Variants in GRIP2 observed in about 807,000 individuals in gnomAD.
The protein encoded by GRIP2 is glutamate receptor interacting protein 2.
In GRIP2, 58 loss-of-function variants were observed where a neutral mutation model predicts 108.3. That is an observed-to-expected ratio of 0.54 (90% confidence interval 0.43 to 0.67). The LOEUF (loss-of-function observed/expected upper bound fraction) is 0.67, where lower values mean the gene tolerates loss of function less well. GRIP2 is among the 30% of genes least tolerant of loss of function. The pLI is 0.00. For missense variants in GRIP2, 1,278 were observed against 1,430.6 expected (o/e 0.89, Z 1.72); for synonymous variants, 586 against 598.2 (o/e 0.98, Z 0.30).
At chr3:14,499,280 A>G (rs1693701483) in intron 21 of GRIP2, among the ~76,000 whole-genome samples, 1 of 152,202 alleles carries the variant, frequency 6.6e-6, no homozygotes, top group Admixed American at 6.5e-5. Context: ...TGCATCGACA[A>G]CGCAGAGCGC....
At chr3:14,578,889 C>T in the GRIP2 span, among the ~76,000 whole-genome samples, 46 of 150,620 alleles carry the variant, frequency 3.1e-4, 1 homozygote, top group East Asian at 8.9e-3. Context: ...AATTTCCTCT[C>T]CAATAAAGTG....
intron 22 of GRIP2, among the ~76,000 whole-genome samples, chr3:14,495,373 CCTCCTCCATAT>C (rs369808514): frequency 3.5e-4 from 54 of 152,216 alleles, no homozygotes; most frequent in African/African-American, 1.2e-3. Flanking sequence ...TAGGGGTTGT[CCTCCTCCATAT>C]CTTTTTTGTT....
Position 14,512,925 on chromosome 3 carries a change from T to G in GRIP2, c.1640-68A>C. 7.1e-7 allele frequency: 1 copy of G among 1,405,368 alleles called. No homozygotes were observed. Among genetic ancestry groups the G allele is most frequent in the Non-Finnish European group, 1.0e-6 (1 of 990,716 alleles). 87.1% of individuals were successfully genotyped at this position (1,405,368 alleles called of 1,614,324 possible). Reference sequence around the variant, plus strand: ...GGAGCCTCAGCGAACCCCAGCCCCATGCCCATTCTGGCTGTGCTGGGAGTG... The same window carrying G: ...GGAGCCTCAGCGAACCCCAGCCCCAGGCCCATTCTGGCTGTGCTGGGAGTG... On this transcript the variant is annotated intron_variant, in intron 13 of 23. Transcript: ENST00000621039. The surrounding 1 kb of genome is among the most constrained non-coding windows in gnomAD (Gnocchi z 5.1).
Position 14,522,051 on chromosome 3 carries a change from T to G in GRIP2, c.567-264A>C. ...TGCCACTCCTCTGGGTGTGCAGTAATTCACAGACTCAGTGCAGAACCCTGA... is the reference window on the plus strand; with the variant it reads ...TGCCACTCCTCTGGGTGTGCAGTAAGTCACAGACTCAGTGCAGAACCCTGA... On this transcript the variant is annotated intron_variant, in intron 6 of 23. Coordinates refer to ENST00000621039, the MANE Select transcript of GRIP2 (RefSeq NM_001080423.4). This position sits in a 1 kb window ranked among gnomAD's most constrained non-coding sequence, Gnocchi z 4.3. 1 of 489,142 alleles carries G rather than the reference T, an allele frequency of 2.0e-6. No homozygotes were observed. Among genetic ancestry groups the G allele is most frequent in the Non-Finnish European group, 3.6e-6 (1 of 276,404 alleles). The allele number at this position is 489,142 out of a possible 1,614,324, so 30.3% of individuals were successfully genotyped here.
At chr3:14,504,831 C>T (rs1050265404) in intron 20 of GRIP2, among the ~76,000 whole-genome samples, 3 of 152,184 alleles carry the variant, frequency 2.0e-5, no homozygotes, top group Non-Finnish European at 4.4e-5. Context: ...TCTTACAGAG[C>T]TGGAGATTCA....
Position 14,529,297 on chromosome 3 carries a change from A to G in GRIP2, c.41-3366T>C, listed in dbSNP as rs920791738. 2.8e-3 allele frequency among the ~76,000 whole-genome samples: 372 copies of G among 131,100 alleles called. 1 individual carries two copies. The highest frequency in any genetic ancestry group is 9.2e-3 in the African/African-American group (351 of 38,258). The allele number at this position is 131,100 out of a possible 152,430, so 86.0% of individuals were successfully genotyped here. A position where few individuals can be genotyped will look rare whatever the true frequency, so the allele number is the denominator to read the frequency against. On this transcript the variant is annotated intron_variant, in intron 1 of 23. Transcript: ENST00000621039. ...CCGTCTCAAAAAAAAAAAAAAAAAA[A>G]AAAAAGGAAAAACACTTGTATAATG...
chr3:14,567,419 G>A, the GRIP2 span, among the ~76,000 whole-genome samples: 517 of 152,250 alleles, frequency 3.4e-3, 6 homozygotes, highest in African/African-American at 0.012. Flanking sequence ...GGGCTGCAGT[G>A]TCACATGGCA....
chr3:14,573,286 G>T, the GRIP2 span: 2 of 1,421,116 alleles, frequency 1.4e-6, no homozygotes, highest in Non-Finnish European at 2.0e-6. Flanking sequence ...CGGTACAGCA[G>T]GAAGATGGCA....
intron 10 of GRIP2, among the ~76,000 whole-genome samples, chr3:14,517,502 T>C (rs930605431): frequency 0.018 from 2,355 of 133,266 alleles, 70 homozygotes; most frequent in African/African-American, 0.048. Context: ...CTCTTTTTTT[T>C]TTTTTTTTTT....
chr3:14,516,945 A>T, intron 11 of GRIP2, 119 bp downstream of exon 11: 2 of 950,626 alleles, frequency 2.1e-6, no homozygotes, highest in Non-Finnish European at 2.9e-6. Context: ...TAACATTCCC[A>T]CGCATACACC....
the GRIP2 span, among the ~76,000 whole-genome samples, chr3:14,583,837 T>C: frequency 2.0e-5 from 3 of 152,214 alleles, no homozygotes; most frequent in Non-Finnish European, 1.5e-5. Context: ...ACCACCAGTG[T>C]ACGCCAAGTT....
the GRIP2 span, among the ~76,000 whole-genome samples, chr3:14,567,364 G>T: frequency 6.6e-6 from 1 of 152,150 alleles, no homozygotes. Flanking sequence ...CGCTCAGTGA[G>T]GCCAACCATC....
chr3:14,585,661 G>A, the GRIP2 span, among the ~76,000 whole-genome samples: 27 of 152,278 alleles, frequency 1.8e-4, no homozygotes, highest in Non-Finnish European at 3.4e-4. Context: ...TCTGCACAGC[G>A]AACAAACCTC....
rs1033720360 is a variant in GRIP2 at position 14,501,840 on chromosome 3, T to G, written c.2679+1726A>C. On this transcript the variant is annotated intron_variant, in intron 21 of 23. Coordinates refer to ENST00000621039, the MANE Select transcript of GRIP2 (RefSeq NM_001080423.4). ...AGATTTCAATGTAAAAACTGAATGTTGAAAGTAAAACAAATGAATTAAAGA... is the reference window on the plus strand; with the variant it reads ...AGATTTCAATGTAAAAACTGAATGTGGAAAGTAAAACAAATGAATTAAAGA... Among the ~76,000 whole-genome samples the G allele has an allele frequency of 5.3e-5, 8 of 152,206 alleles. 1 individual carries two copies. The highest frequency in any genetic ancestry group is 6.8e-3 in the Middle Eastern group (2 of 294).
intron 1 of GRIP2, among the ~76,000 whole-genome samples, chr3:14,553,794 A>C (rs1695190535): frequency 6.6e-6 from 1 of 151,902 alleles, no homozygotes; most frequent in Admixed American, 6.6e-5. Flanking sequence ...CATCTCTTGG[A>C]TTCTTCTCCT....
chr3:14,503,546 T>C lies in GRIP2; in HGVS notation c.2679+20A>G, dbSNP rs375991664. The C allele has an allele frequency of 2.2e-3, 3,534 of 1,588,610 alleles. 9 individuals carry two copies. Among genetic ancestry groups the C allele is most frequent in the Non-Finnish European group, 2.1e-3 (2,461 of 1,163,424 alleles). ...CAGCCCCGGGTGCCCCATGCAGGCCTGCAGGGCAGGCAGCCATACCTCCAG... is the reference window on the plus strand; with the variant it reads ...CAGCCCCGGGTGCCCCATGCAGGCCCGCAGGGCAGGCAGCCATACCTCCAG... On this transcript the variant is annotated intron_variant, in intron 21 of 23. Transcript: ENST00000621039.
chr3:14,496,307 TGGA>T (rs1693598830), intron 22 of GRIP2, 107 bp downstream of exon 22: 1 of 895,478 alleles, frequency 1.1e-6, no homozygotes, highest in East Asian at 2.7e-5. Flanking sequence ...AGTTTTGTGG[TGGA>T]GGAGACTAAA....
At position 14,525,899 on chromosome 3, in the gene GRIP2, C is replaced by A; in HGVS notation, c.73G>T (p.Ala25Ser). The change falls in exon 2 of 24, where the codon GCA becomes TCA. Residue 25 changes from alanine to serine, a missense_variant. Transcript: ENST00000621039. ...DGPYSKGGKDAGGADVSLACR... is the reference protein window; with the variant it reads ...DGPYSKGGKDSGGADVSLACR... ...GCCAGGGAAACGTCGGCCCCTCCTG[C>A]GTCCTTGCCTCCTTTGGAGTAGGGC... 1 of 1,561,444 alleles carries A rather than the reference C, an allele frequency of 6.4e-7. No homozygotes were observed. The highest frequency in any genetic ancestry group is 8.7e-7 in the Non-Finnish European group (1 of 1,152,408).
At chr3:14,562,136 G>A in the GRIP2 span, among the ~76,000 whole-genome samples, 248 of 152,354 alleles carry the variant, frequency 1.6e-3, no homozygotes, top group African/African-American at 5.6e-3. Flanking sequence ...GATGTTGCCA[G>A]TTACAAAGGG....
Sources: gnomAD v4.1 joint callset for allele counts (sites outside exome capture counted in the v4.1 genomes callset) on GRCh38, gnomAD v4.1.1 for gene constraint, Gnocchi (gnomAD v3.1) non-coding constraint, MANE v1.5 for transcripts, NCBI Gene and HGNC (gene_info 2026-07-23, HGNC 2026-07-21) for gene names.